The following ZNF84 variants were observed in gnomAD, a reference collection of about 807,000 sequenced individuals.
The protein encoded by ZNF84 is zinc finger protein HPF2.
A neutral mutation model predicts 14.8 loss-of-function variants in ZNF84; 12 were observed. The ratio of observed to expected loss-of-function variants is 0.81; its 90% confidence interval spans 0.52 to 1.31. The LOEUF (loss-of-function observed/expected upper bound fraction) is 1.31. ZNF84 is among the 50% of genes most tolerant of loss of function. The pLI, the probability that ZNF84 is intolerant of heterozygous loss-of-function variation, is 0.00. For missense variants in ZNF84, 859 were observed against 878.6 expected (o/e 0.98, Z 0.28); for synonymous variants, 347 against 291.1 (o/e 1.19, Z -1.96).
intron 3 of ZNF84, chr12:133,048,334 G>A (rs1438627104): frequency 1.1e-5 from 4 of 371,398 alleles, no homozygotes; most frequent in Non-Finnish European, 1.5e-5. Context: ...AGTAGTGATA[G>A]CACCTAATGC....
intron 2 of ZNF84, among the ~76,000 whole-genome samples, chr12:133,045,128 C>T (rs1953957258): frequency 6.6e-6 from 1 of 152,106 alleles, no homozygotes; most frequent in Non-Finnish European, 1.5e-5. Flanking sequence ...ATCTTTGTGA[C>T]ATTTTTGGTC....
intron 2 of ZNF84, among the ~76,000 whole-genome samples, chr12:133,041,790 C>T (rs1449305908): frequency 6.6e-6 from 1 of 152,100 alleles, no homozygotes; most frequent in South Asian, 2.1e-4. Flanking sequence ...TGCTTTGCAT[C>T]GTTTAAAGGT....
rs1311108044 is a variant in ZNF84 at position 133,046,480 on chromosome 12, G to A, written c.16-1475G>A. The stretch of plus-strand genomic sequence containing the variant: ...AACCCATTTCAATTTTACCTTTTCC[G>A]TAGAGCCTAACTCTACACTCAAATA... On this transcript the variant is annotated intron_variant, in intron 2 of 4. Transcript: ENST00000539354. 6.0e-5 allele frequency among the ~76,000 whole-genome samples: 9 copies of A among 148,982 alleles called. No homozygotes were observed. In the East Asian group the frequency reaches 9.9e-4, roughly 16 times the overall value.
intron 1 of ZNF84, chr12:133,039,098 T>C (rs1953840841): frequency 6.6e-6 from 1 of 152,244 alleles, no homozygotes. Context: ...ATAATAATTA[T>C]AGCTAGTATA....
intron 4 of ZNF84, among the ~76,000 whole-genome samples, chr12:133,050,737 A>G (rs984545783): frequency 1.3e-5 from 2 of 151,988 alleles, no homozygotes; most frequent in Admixed American, 1.3e-4. Flanking sequence ...TTCCTTTACT[A>G]CCCCATCCTA....
At chr12:133,055,925 C>T (rs1954147808) in intron 4 of ZNF84, among the ~76,000 whole-genome samples, 1 of 152,020 alleles carries the variant, frequency 6.6e-6, no homozygotes, top group Admixed American at 6.6e-5. Context: ...TAGGGAATCC[C>T]CATCTTTACA....
chr12:133,057,813 C>T lies in ZNF84; in HGVS notation c.1098C>T (p.His366=). 6.2e-7 allele frequency: 1 copy of T among 1,611,556 alleles called. No individual in the cohort carries two copies. Among genetic ancestry groups the T allele is most frequent in the African/African-American group, 1.3e-5 (1 of 74,156 alleles). The change falls in exon 5 of 5, where the codon CAC becomes CAT. Residue 366 remains histidine (H), a synonymous_variant. Coordinates refer to ENST00000539354, the MANE Select transcript of ZNF84 (RefSeq NM_001289971.2). ...FSRKSQLVTH[H]RTHTGTKPFG... is the part of the protein sequence containing the mutation. ...GGAAGTCACAACTCGTTACACATCA[C>T]AGAACTCACACAGGAACAAAACCCT...
rs1954267846 is a variant in ZNF84 at position 133,061,712 on chromosome 12, A to G, written c.*2780A>G. The G allele has an allele frequency of 6.6e-6, 1 of 152,234 alleles. No homozygotes were observed. Among genetic ancestry groups the G allele is most frequent in the Non-Finnish European group, 1.5e-5 (1 of 68,034 alleles). The allele number at this position is 152,234 out of a possible 1,614,324, so 9.4% of individuals were successfully genotyped here. A position where few individuals can be genotyped will look rare whatever the true frequency, so the allele number is the denominator to read the frequency against. ...AAACCTGATACTTCCTACACTAGAT[A>G]ATGGAACTTCAACATTAGCCTATTG... On this transcript the variant is annotated 3_prime_UTR_variant, in exon 5 of 5. Transcript: ENST00000539354.
In ZNF84 at chr12:133,061,977, T is replaced by TTA; in HGVS notation, c.*3045_*3046insTA. On this transcript the variant is annotated 3_prime_UTR_variant, in exon 5 of 5. Coordinates refer to ENST00000539354, the MANE Select transcript of ZNF84 (RefSeq NM_001289971.2). The stretch of plus-strand genomic sequence containing the variant: ...TGTCTCTGCATTGCCCCTTATTGTT[T>TTA]CCTACCACAAATTCTACATCAAGAA... 1 of 152,312 alleles carries TTA rather than the reference T, an allele frequency of 6.6e-6. No homozygotes were observed. The highest frequency in any genetic ancestry group is 2.4e-5 in the African/African-American group (1 of 41,576). The allele number at this position is 152,312 out of a possible 1,614,324, so 9.4% of individuals were successfully genotyped here.
At position 133,058,100 on chromosome 12, in the gene ZNF84, G is replaced by C. The variant is rs1000955828; in HGVS notation, c.1385G>C (p.Ser462Thr). The C allele has an allele frequency of 2.5e-6, 4 of 1,613,860 alleles. No individual in the cohort carries two copies. In the African/African-American group the frequency reaches 5.3e-5, roughly 22 times the overall value. ...THTGEKPFIC[S>T]KCGKAFSRKS... is the part of the protein sequence containing the mutation. ...ACAGGAGAAAAACCCTTTATATGCA[G>C]TAAATGTGGGAAAGCCTTCAGCAGG... The change falls in exon 5 of 5, where the codon AGT (serine) becomes ACT (threonine). Residue 462 changes from serine (S) to threonine (T), a missense_variant. Ser to Thr is a moderately conservative substitution (Grantham distance 58, BLOSUM62 1). Coordinates refer to ENST00000539354, the MANE Select transcript of ZNF84 (RefSeq NM_001289971.2).
chr12:133,038,488 G>A (rs1359854164), intron 1 of ZNF84, among the ~76,000 whole-genome samples: 4 of 151,814 alleles, frequency 2.6e-5, no homozygotes, highest in Non-Finnish European at 4.4e-5. Flanking sequence ...TTGAGCCCAG[G>A]AGTTCAGGGC....
At position 133,048,821 on chromosome 12, in the gene ZNF84, G is replaced by A; in HGVS notation, c.211G>A (p.Gly71Arg). The change falls in exon 4 of 5, where the codon GGA becomes AGA. Residue 71 changes from glycine (G) to arginine (R), a missense_variant. Gly to Arg is a moderately radical substitution (Grantham distance 125, BLOSUM62 -2). Transcript: ENST00000539354. ...EQGEEPWVGD[G>R]EIPSSDSPEV... ...AGGAGAAGAGCCGTGGGTAGGAGATGGAGAAATTCCAAGTTCAGATTCTCC... is the reference window on the plus strand; with the variant it reads ...AGGAGAAGAGCCGTGGGTAGGAGATAGAGAAATTCCAAGTTCAGATTCTCC... 1 of 1,613,646 alleles carries A rather than the reference G, an allele frequency of 6.2e-7. No individual in the cohort carries two copies. Among genetic ancestry groups the A allele is most frequent in the Non-Finnish European group, 8.5e-7 (1 of 1,179,810 alleles).
In ZNF84 at chr12:133,053,791, A is replaced by T. The variant is rs367564805; in HGVS notation, c.239-3163A>T. On this transcript the variant is annotated intron_variant, in intron 4 of 4. Coordinates refer to ENST00000539354, the MANE Select transcript of ZNF84 (RefSeq NM_001289971.2). ...TAATGGGGTCTTGATTTTAACCCTC[A>T]TATTTCTCCCTCAGTCTTCCTCAAT... Among the ~76,000 whole-genome samples, 30 of 152,216 alleles carry T rather than the reference A, an allele frequency of 2.0e-4. No homozygotes were observed. The South Asian group carries it at 6.0e-3, about 31-fold the overall frequency.
At chr12:133,039,483 C>A (rs1344188962) in intron 1 of ZNF84, among the ~76,000 whole-genome samples, 1 of 152,192 alleles carries the variant, frequency 6.6e-6, no homozygotes, top group Non-Finnish European at 1.5e-5. Context: ...TTGCTACTTA[C>A]TAAATGTGCA....
At chr12:133,053,034 T>C (rs1954098208) in intron 4 of ZNF84, among the ~76,000 whole-genome samples, 1 of 152,184 alleles carries the variant, frequency 6.6e-6, no homozygotes, top group Non-Finnish European at 1.5e-5. Flanking sequence ...AAAGGACTTA[T>C]AATTGAGTCA....
At chr12:133,043,763 A>T (rs945007382) in intron 2 of ZNF84, among the ~76,000 whole-genome samples, 15 of 150,996 alleles carry the variant, frequency 9.9e-5, no homozygotes, top group Non-Finnish European at 1.6e-4. Flanking sequence ...TAATTTTTTT[A>T]TTTTTTTTGA....
intron 2 of ZNF84, among the ~76,000 whole-genome samples, chr12:133,042,388 C>T (rs1460225907): frequency 3.9e-5 from 6 of 152,354 alleles, no homozygotes; most frequent in Admixed American, 3.3e-4. Context: ...ATTCTGCTGT[C>T]ACACCTCAAA....
intron 2 of ZNF84, among the ~76,000 whole-genome samples, chr12:133,044,659 T>C (rs1275674637): frequency 6.6e-6 from 1 of 152,128 alleles, no homozygotes; most frequent in Non-Finnish European, 1.5e-5. Context: ...CTCACACCTG[T>C]AATCCCAGCA....
rs1954224928 is a variant in ZNF84 at position 133,059,689 on chromosome 12, G to A, written c.*757G>A. On this transcript the variant is annotated 3_prime_UTR_variant, in exon 5 of 5. Transcript: ENST00000539354. ...CTTACCTATAATTTAATGTAATTGG[G>A]AGTATGAAATGCATATGCCTTTTAG... 6.6e-6 allele frequency: 1 copy of A among 152,254 alleles called. No homozygotes were observed. Among genetic ancestry groups the A allele is most frequent in the African/African-American group, 2.4e-5 (1 of 41,442 alleles). The allele number at this position is 152,254 out of a possible 1,614,324, so 9.4% of individuals were successfully genotyped here.
Sources: allele counts gnomAD v4.1 joint callset (sites outside exome capture counted in the v4.1 genomes callset), GRCh38; gene constraint gnomAD v4.1.1; transcripts MANE v1.5; gene names NCBI Gene and HGNC (gene_info 2026-07-23, HGNC 2026-07-21).